Variants in GMEB1 observed in about 807,000 individuals in gnomAD.
GMEB1 encodes the protein glucocorticoid modulatory element-binding protein 1.
Under a neutral mutation model 52.4 loss-of-function variants are expected in GMEB1, and 6 were observed. The ratio of observed to expected loss-of-function variants is 0.11; its 90% CI spans 0.06 to 0.23. The LOEUF (loss-of-function observed/expected upper bound fraction) is 0.23, where lower values mean the gene tolerates loss of function less well. Ranked by LOEUF, GMEB1 falls within the 10% of genes least tolerant of loss-of-function variation. The pLI, the probability that GMEB1 is intolerant of heterozygous loss-of-function variation, is 1.00. For missense variants in GMEB1, 486 were observed against 685.6 expected, an observed-to-expected ratio of 0.71 and a Z score of 3.25; for synonymous variants, 255 against 244.9, an observed-to-expected ratio of 1.04 and a Z score of -0.38.
chr1:28,676,766 G>A (rs1669169955), intron 1 of GMEB1, among the ~76,000 whole-genome samples: 1 of 151,740 alleles, frequency 6.6e-6, no homozygotes, highest in Non-Finnish European at 1.5e-5. Flanking sequence ...TAAAGATATT[G>A]TATGAAATTG....
chr1:28,690,169 A>G lies in GMEB1; in HGVS notation c.194A>G (p.Lys65Arg). Residue 65 changes from lysine to arginine, a missense_variant, in exon 3 of 10, where the codon AAA (lysine) becomes AGA (arginine). By Grantham distance (26) the Lys-to-Arg change is conservative. Coordinates refer to ENST00000373816, the MANE Select transcript of GMEB1 (RefSeq NM_001319674.2). ...VVAVETHTIH[K>R]IEEGIDTGTI... ...GCAGTAGAAACTCACACGATACACA[A>G]AATTGAAGAAGGGATTGGTAAGGGT... 4 of 1,529,284 alleles carry G rather than the reference A, an allele frequency of 2.6e-6. No homozygotes were observed. Among genetic ancestry groups the G allele is most frequent in the South Asian group, 2.4e-5 (2 of 84,434 alleles). The allele number at this position is 1,529,284 out of a possible 1,614,324, so 94.7% of individuals were successfully genotyped here.
chr1:28,702,004 A>G (rs1670540433), intron 6 of GMEB1, among the ~76,000 whole-genome samples: 1 of 152,156 alleles, frequency 6.6e-6, no homozygotes, highest in African/African-American at 2.4e-5. Context: ...GCTTAGCATC[A>G]GACTTGCTTG....
intron 6 of GMEB1, among the ~76,000 whole-genome samples, chr1:28,699,989 C>A (rs1670415932): frequency 7.0e-6 from 1 of 143,528 alleles, no homozygotes; most frequent in Non-Finnish European, 1.5e-5. Context: ...GTGGGAAGAT[C>A]ACGTATCAGT....
At chr1:28,705,463 T>TTC (rs1263282502) in intron 8 of GMEB1, among the ~76,000 whole-genome samples, 2 of 150,344 alleles carry the variant, frequency 1.3e-5, no homozygotes, top group Non-Finnish European at 3.0e-5. Context: ...TTTTTTTTTT[T>TTC]TCCTGAGACG....
upstream of GMEB1, chr1:28,668,693 A>T (rs990977130): frequency 6.5e-6 from 1 of 153,826 alleles, no homozygotes; most frequent in Non-Finnish European, 1.5e-5. Context: ...CGTCCCCTTT[A>T]AGGCGCCAGC....
At chr1:28,670,340 TGTTTGAGACGGA>T (rs1308807792) in intron 1 of GMEB1, among the ~76,000 whole-genome samples, 2 of 150,428 alleles carry the variant, frequency 1.3e-5, no homozygotes, top group Non-Finnish European at 3.0e-5. Context: ...TTGTTGTTGT[TGTTTGAGACGGA>T]GTTTCACTCC....
intron 1 of GMEB1, among the ~76,000 whole-genome samples, chr1:28,681,778 C>T (rs529889013): frequency 6.6e-6 from 1 of 152,206 alleles, no homozygotes; most frequent in African/African-American, 2.4e-5. Context: ...TCTCGGCTCA[C>T]CGCAATCTCC....
chr1:28,719,127 C>T lies in GMEB1; in HGVS notation c.*4354C>T, dbSNP rs556332693. ...ATCCAGTGTTGAATCCAGTGCAGGA[C>T]TGGAGTCTAGCTGGCAAAGGGTAAA... On this transcript the variant is annotated 3_prime_UTR_variant, in exon 10 of 10. Transcript: ENST00000373816. 6.6e-6 allele frequency: 1 copy of T among 152,302 alleles called. No homozygotes were observed. The highest frequency in any genetic ancestry group is 2.1e-4 in the South Asian group (1 of 4,820). The allele number at this position is 152,302 out of a possible 1,614,324, so 9.4% of individuals were successfully genotyped here.
intron 2 of GMEB1, 24 bp from the exon 3 acceptor site, chr1:28,690,080 T>C: frequency 6.4e-7 from 1 of 1,558,546 alleles, no homozygotes; most frequent in Non-Finnish European, 8.8e-7. Flanking sequence ...GTAGTTTGTT[T>C]ATCGATGGAC....
At chr1:28,704,362 T>G (rs776345896) in intron 8 of GMEB1, 33 bp downstream of exon 8, 1 of 1,589,962 alleles carries the variant, frequency 6.3e-7, no homozygotes. Flanking sequence ...TAGCAGTGAT[T>G]TATTGAATAC....
intron 2 of GMEB1, among the ~76,000 whole-genome samples, chr1:28,688,286 G>A (rs994280401): frequency 1.4e-4 from 22 of 152,226 alleles, no homozygotes; most frequent in Non-Finnish European, 2.6e-4. Flanking sequence ...TCCGTCTCAA[G>A]AAACAAACAC....
At chr1:28,674,332 C>T (rs1396052690) in intron 1 of GMEB1, among the ~76,000 whole-genome samples, 2 of 152,050 alleles carry the variant, frequency 1.3e-5, no homozygotes, top group South Asian at 2.1e-4. Flanking sequence ...GAGGGTGACC[C>T]TGTCTCAAAA....
At chr1:28,699,709 T>C (rs1301883097) in intron 6 of GMEB1, among the ~76,000 whole-genome samples, 1 of 151,240 alleles carries the variant, frequency 6.6e-6, no homozygotes, top group Non-Finnish European at 1.5e-5. Context: ...GAGTTACAAA[T>C]GTGAGCCACC....
chr1:28,711,618 A>T (rs180828332), intron 9 of GMEB1, among the ~76,000 whole-genome samples: 1 of 152,072 alleles, frequency 6.6e-6, no homozygotes, highest in Admixed American at 6.6e-5. Context: ...CACCGTGCCC[A>T]GCTGTTTTGT....
intron 8 of GMEB1, 46 bp downstream of exon 8, chr1:28,704,375 A>G: frequency 6.5e-7 from 1 of 1,544,696 alleles, no homozygotes; most frequent in Non-Finnish European, 8.8e-7. Context: ...TTGAATACTC[A>G]CCTCCGTAGG....
upstream of GMEB1, chr1:28,668,707 C>CCGG (rs974358638): frequency 7.1e-5 from 11 of 153,958 alleles, no homozygotes; most frequent in African/African-American, 7.2e-5. Context: ...CGCCAGCTCT[C>CCGG]CGGCGGCGGC....
At chr1:28,702,296 T>G in intron 6 of GMEB1, 142 bp from the exon 7 acceptor site, 1 of 540,106 alleles carries the variant, frequency 1.9e-6, no homozygotes, top group Admixed American at 2.9e-5. Flanking sequence ...CCTAAGAGTC[T>G]AGTTTTTAAA....
At chr1:28,691,435 C>T in intron 3 of GMEB1, 150 bp from the exon 4 acceptor site, 1 of 402,648 alleles carries the variant, frequency 2.5e-6, no homozygotes, top group Non-Finnish European at 4.3e-6. Context: ...AGAGATAGCT[C>T]TTAGGCCAAA....
intron 1 of GMEB1, among the ~76,000 whole-genome samples, chr1:28,675,653 C>G (rs966876717): frequency 6.8e-6 from 1 of 147,998 alleles, no homozygotes; most frequent in African/African-American, 2.5e-5. Context: ...GCACTCCAGC[C>G]TGGGCAACAG....
Sources: gnomAD v4.1 joint callset for allele counts (sites outside exome capture counted in the v4.1 genomes callset) on GRCh38, gnomAD v4.1.1 for gene constraint, MANE v1.5 for transcripts, NCBI Gene and HGNC (gene_info 2026-07-23, HGNC 2026-07-21) for gene names.